The following PARD6B variants were observed in gnomAD, a reference collection of about 807,000 sequenced individuals.
PARD6B encodes partitioning defective 6 homolog beta.
PARD6B carries 4 observed loss-of-function variants against 10.5 expected under a neutral mutation model. The observed-to-expected ratio is 0.38, with a 90% CI of 0.19 to 0.87. The LOEUF is 0.87. Among genes scored for constraint, PARD6B ranks in the 40% least tolerant of loss-of-function variants. The probability of loss-of-function intolerance (pLI) is 0.41; values close to 1 mark genes in which losing one functional copy is unlikely to be tolerated. For missense variants in PARD6B, 396 were observed against 470.6 expected (o/e 0.84, Z 1.47); for synonymous variants, 169 against 170.4 (o/e 0.99, Z 0.07).
rs2087603224 is a variant in PARD6B at position 50,750,954 on chromosome 20, A to ATTTTTTTTTTTTTTGTTTTTTTTTTTTT, written c.*480_*481insGTTTTTTTTTTTTTTTTTTTTTTTTTTT. 2.7e-6 allele frequency: 1 copy of ATTTTTTTTTTTTTTGTTTTTTTTTTTTT among 365,692 alleles called. No individual in the cohort carries two copies. The highest frequency in any genetic ancestry group is 3.3e-6 in the Non-Finnish European group (1 of 307,490). The allele number at this position is 365,692 out of a possible 1,614,324, so 22.7% of individuals were successfully genotyped here. Reference sequence around the variant, plus strand: ...CTCATGTTCCCAATATTTTATTTTGATTTTTTTTTTTTTTTTTTTTTTTTT... The same window carrying ATTTTTTTTTTTTTTGTTTTTTTTTTTTT: ...CTCATGTTCCCAATATTTTATTTTGATTTTTTTTTTTTTTGTTTTTTTTTTTTTTTTTTTTTTTTTTTTTTTTTTTTTT... On this transcript the variant is annotated 3_prime_UTR_variant, in exon 3 of 3. Transcript: ENST00000371610.
intron 2 of PARD6B, among the ~76,000 whole-genome samples, chr20:50,739,439 A>G (rs2087518263): frequency 6.6e-6 from 1 of 152,064 alleles, no homozygotes; most frequent in Non-Finnish European, 1.5e-5. Flanking sequence ...AGACTCCTCA[A>G]AAAAATTTTT....
chr20:50,731,600 C>T lies in PARD6B; in HGVS notation c.-187C>T. ...CCACCAGTCCGACCCTCGGTCCCGC[C>T]GTGTGAGCAGCTGGTGGAGTGGAGC... On this transcript the variant is annotated 5_prime_UTR_variant, in exon 1 of 3. Transcript: ENST00000371610. 4.3e-6 allele frequency: 2 copies of T among 461,050 alleles called. No homozygotes were observed. The highest frequency in any genetic ancestry group is 7.6e-6 in the Non-Finnish European group (2 of 264,088). 28.6% of individuals were successfully genotyped at this position (461,050 alleles called of 1,614,324 possible).
Position 50,752,482 on chromosome 20 carries a change from G to C in PARD6B, c.*1994G>C. 1.0e-6 allele frequency: 1 copy of C among 985,624 alleles called. No homozygotes were observed. The highest frequency in any genetic ancestry group is 1.2e-6 in the Non-Finnish European group (1 of 829,906). 61.1% of individuals were successfully genotyped at this position (985,624 alleles called of 1,614,324 possible). A position where few individuals can be genotyped will look rare whatever the true frequency, so the allele number is the denominator to read the frequency against. On this transcript the variant is annotated 3_prime_UTR_variant, in exon 3 of 3. Coordinates refer to ENST00000371610, the MANE Select transcript of PARD6B (RefSeq NM_032521.3). ...TATTACTTTCCAATGCATCCACTTAGAACAAGCTAAGAGTAAGGCTGCTAA... is the reference window on the plus strand; with the variant it reads ...TATTACTTTCCAATGCATCCACTTACAACAAGCTAAGAGTAAGGCTGCTAA...
At chr20:50,731,874 C>G in intron 1 of PARD6B, 22 bp downstream of exon 1, 8 of 1,418,202 alleles carry the variant, frequency 5.6e-6, no homozygotes, top group Non-Finnish European at 7.3e-6. Flanking sequence ...CCGGGCTGGG[C>G]GGAGCGGCGG....
In PARD6B at chr20:50,752,060, T is replaced by C; in HGVS notation, c.*1572T>C. On this transcript the variant is annotated 3_prime_UTR_variant, in exon 3 of 3. Coordinates refer to ENST00000371610, the MANE Select transcript of PARD6B (RefSeq NM_032521.3). ...TGTTCAAATTGGTGTTTGTCCTTCC[T>C]ATAGCTTTCATATTTTCAAATTAAT... 2.0e-6 allele frequency: 2 copies of C among 985,356 alleles called. No individual in the cohort carries two copies. Among genetic ancestry groups the C allele is most frequent in the Non-Finnish European group, 2.4e-6 (2 of 829,818 alleles). The allele number at this position is 985,356 out of a possible 1,614,324, so 61.0% of individuals were successfully genotyped here. A position where few individuals can be genotyped will look rare whatever the true frequency, so the allele number is the denominator to read the frequency against.
Position 50,750,514 on chromosome 20 carries a change from T to G in PARD6B, c.*26T>G. ...AACCGTGGTTTGAATGTTTTCAGAG[T>G]GAGGATGCCATGAGGACTTGTACAT... On this transcript the variant is annotated 3_prime_UTR_variant, in exon 3 of 3. Coordinates refer to ENST00000371610, the MANE Select transcript of PARD6B (RefSeq NM_032521.3). The G allele has an allele frequency of 1.3e-6, 2 of 1,597,234 alleles. No homozygotes were observed. Among genetic ancestry groups the G allele is most frequent in the South Asian group, 2.3e-5 (2 of 88,802 alleles).
chr20:50,747,489 C>CTGTTTT (rs2087574649), intron 2 of PARD6B, among the ~76,000 whole-genome samples: 1 of 33,354 alleles, frequency 3.0e-5, no homozygotes, highest in Non-Finnish European at 5.1e-5. Context: ...TTCTTTCTTT[C>CTGTTTT]TTTTTTTTTT....
intron 1 of PARD6B, among the ~76,000 whole-genome samples, chr20:50,733,997 A>G (rs1338213667): frequency 1.3e-5 from 2 of 152,186 alleles, no homozygotes; most frequent in Non-Finnish European, 2.9e-5. Flanking sequence ...TACATGTTGT[A>G]TATTTGAACT....
intron 2 of PARD6B, among the ~76,000 whole-genome samples, chr20:50,745,083 T>C (rs1023220821): frequency 2.6e-5 from 4 of 152,184 alleles, no homozygotes; most frequent in African/African-American, 9.7e-5. Context: ...AATGAAGGGG[T>C]CTGCAAAATT....
chr20:50,732,017 G>T (rs950200850), intron 1 of PARD6B, among the ~76,000 whole-genome samples, 165 bp downstream of exon 1: 8 of 152,208 alleles, frequency 5.3e-5, no homozygotes, highest in African/African-American at 1.9e-4. Flanking sequence ...AGGAGGGGGT[G>T]GCGGGGGTCA....
At position 50,753,065 on chromosome 20, in the gene PARD6B, C is replaced by A; in HGVS notation, c.*2577C>A. On this transcript the variant is annotated 3_prime_UTR_variant, in exon 3 of 3. Transcript: ENST00000371610. ...TTTTAAGTAAAAATATTTTTACACA[C>A]TACCTCTCTCTTTTTTTTTTTAAAG... 1.1e-6 allele frequency: 1 copy of A among 901,102 alleles called. No homozygotes were observed. Among genetic ancestry groups the A allele is most frequent in the Non-Finnish European group, 1.3e-6 (1 of 791,992 alleles). 55.8% of individuals were successfully genotyped at this position (901,102 alleles called of 1,614,324 possible).
chr20:50,732,597 C>T lies in PARD6B; in HGVS notation c.66+745C>T, dbSNP rs76129865. Among the ~76,000 whole-genome samples, 976 of 152,266 alleles carry T rather than the reference C, an allele frequency of 6.4e-3. 8 individuals are homozygous for T. Among genetic ancestry groups the T allele is most frequent in the African/African-American group, 0.019 (792 of 41,538 alleles). On this transcript the variant is annotated intron_variant, in intron 1 of 2. Transcript: ENST00000371610. ...TAGGGAGGGATTAGTTAGGGAATGC[C>T]TTCCAAAGGGGGTTTTGAGCTGGAA...
At position 50,752,221 on chromosome 20, in the gene PARD6B, A is replaced by AT; in HGVS notation, c.*1738dup. On this transcript the variant is annotated 3_prime_UTR_variant, in exon 3 of 3. Coordinates refer to ENST00000371610, the MANE Select transcript of PARD6B (RefSeq NM_032521.3). ...CATTCCTTTTATTGTTAGTGTGTGT[A>AT]TTTTTGTTGGTGTGCTTTTAATGCA... 5 of 985,426 alleles carry AT rather than the reference A, an allele frequency of 5.1e-6. No homozygotes were observed. In the South Asian group the frequency reaches 2.3e-4, roughly 46 times the overall value. 61.0% of individuals were successfully genotyped at this position (985,426 alleles called of 1,614,324 possible). A position where few individuals can be genotyped will look rare whatever the true frequency, so the allele number is the denominator to read the frequency against.
In PARD6B at chr20:50,753,395, T is replaced by C. The variant is rs915028862; in HGVS notation, c.*2907T>C. 1.1e-5 allele frequency: 11 copies of C among 984,712 alleles called. No individual in the cohort carries two copies. Among genetic ancestry groups the C allele is most frequent in the Non-Finnish European group, 1.3e-5 (11 of 828,862 alleles). 61.0% of individuals were successfully genotyped at this position (984,712 alleles called of 1,614,324 possible). ...TGAATCAATTATTTCAAGTGCACCT[T>C]ATTAACAAAAGTATCAGTGGATCCA... On this transcript the variant is annotated 3_prime_UTR_variant, in exon 3 of 3. Coordinates refer to ENST00000371610, the MANE Select transcript of PARD6B (RefSeq NM_032521.3).
intron 1 of PARD6B, 108 bp from the exon 2 acceptor site, chr20:50,737,749 A>G: frequency 1.3e-6 from 1 of 741,020 alleles, no homozygotes; most frequent in Non-Finnish European, 2.1e-6. Context: ...TCTTTCCTTA[A>G]TTAAAAATAC....
In PARD6B at chr20:50,752,675, G is replaced by A. The variant is rs528078397; in HGVS notation, c.*2187G>A. The A allele has an allele frequency of 3.1e-6, 3 of 977,556 alleles. No individual in the cohort carries two copies. Among genetic ancestry groups the A allele is most frequent in the Non-Finnish European group, 3.6e-6 (3 of 822,432 alleles). The allele number at this position is 977,556 out of a possible 1,614,324, so 60.6% of individuals were successfully genotyped here. ...TAGTATGAATACCTTTTTAACAATT[G>A]TGTGCTATTACAACAATGAAGATTC... On this transcript the variant is annotated 3_prime_UTR_variant, in exon 3 of 3. Coordinates refer to ENST00000371610, the MANE Select transcript of PARD6B (RefSeq NM_032521.3).
chr20:50,736,548 T>G (rs966661441), intron 1 of PARD6B, among the ~76,000 whole-genome samples: 3 of 152,204 alleles, frequency 2.0e-5, no homozygotes, highest in African/African-American at 7.2e-5. Context: ...ATGTAGCGTT[T>G]CTCAAACTTA....
chr20:50,733,881 A>G (rs1481075327), intron 1 of PARD6B, among the ~76,000 whole-genome samples: 1 of 152,258 alleles, frequency 6.6e-6, no homozygotes, highest in African/African-American at 2.4e-5. Flanking sequence ...ATAGTAATTT[A>G]TCTCTAGTAC....
chr20:50,731,685 G>C lies in PARD6B; in HGVS notation c.-102G>C, dbSNP rs1231211518. 1 of 1,115,422 alleles carries C rather than the reference G, an allele frequency of 9.0e-7. No homozygotes were observed. The highest frequency in any genetic ancestry group is 1.2e-6 in the Non-Finnish European group (1 of 849,206). The allele number at this position is 1,115,422 out of a possible 1,614,324, so 69.1% of individuals were successfully genotyped here. On this transcript the variant is annotated 5_prime_UTR_variant, in exon 1 of 3. Coordinates refer to ENST00000371610, the MANE Select transcript of PARD6B (RefSeq NM_032521.3). The stretch of plus-strand genomic sequence containing the variant: ...TGCAGGTGCCTGTGAGGAGGCGCCC[G>C]GGCCGCAACCGCTTTCCGAGATCCC...
Sources: allele counts gnomAD v4.1 joint callset (sites outside exome capture counted in the v4.1 genomes callset), GRCh38; gene constraint gnomAD v4.1.1; transcripts MANE v1.5; gene names NCBI Gene and HGNC (gene_info 2026-07-23, HGNC 2026-07-21).